ATOSA: variants seen among roughly 807,000 people sequenced by gnomAD.
ATOSA encodes the protein atos homolog A.
At chr15:52,646,263 C>G in the ATOSA span, among the ~76,000 whole-genome samples, 2 of 152,138 alleles carry the variant, frequency 1.3e-5, no homozygotes, top group East Asian at 3.8e-4. Flanking sequence ...AGGTGAGAAA[C>G]TTGGGCACAC....
chr15:52,606,561 A>G, the ATOSA span, among the ~76,000 whole-genome samples: 3 of 152,166 alleles, frequency 2.0e-5, no homozygotes, highest in African/African-American at 7.2e-5. Context: ...GGCACACAGT[A>G]AATTGTTTAT....
At chr15:52,669,511 C>T in the ATOSA span, among the ~76,000 whole-genome samples, 4 of 152,106 alleles carry the variant, frequency 2.6e-5, no homozygotes, top group Non-Finnish European at 4.4e-5. Context: ...AAGAAAATTG[C>T]TAATTTGATG....
At chr15:52,670,362 C>T in the ATOSA span, among the ~76,000 whole-genome samples, 4 of 152,188 alleles carry the variant, frequency 2.6e-5, 1 homozygote, top group Non-Finnish European at 5.9e-5. Flanking sequence ...ACCTTTCCCA[C>T]AAGGCTTAAG....
chr15:52,703,684 G>A, the ATOSA span, among the ~76,000 whole-genome samples: 1 of 151,908 alleles, frequency 6.6e-6, no homozygotes, highest in Non-Finnish European at 1.5e-5. Context: ...ACACACCGGG[G>A]CCTGTTAGGG....
the ATOSA span, among the ~76,000 whole-genome samples, chr15:52,686,441 C>T: frequency 1.3e-5 from 2 of 152,162 alleles, no homozygotes; most frequent in Admixed American, 1.3e-4. Context: ...GAAATCTTTT[C>T]TAAGGTTACT....
chr15:52,690,343 G>A, the ATOSA span, among the ~76,000 whole-genome samples: 2 of 152,006 alleles, frequency 1.3e-5, no homozygotes, highest in African/African-American at 4.8e-5. Context: ...AGACTCCTTG[G>A]GTCTTAATAC....
At chr15:52,700,956 C>A in the ATOSA span, among the ~76,000 whole-genome samples, 1 of 152,108 alleles carries the variant, frequency 6.6e-6, no homozygotes, top group Non-Finnish European at 1.5e-5. Context: ...AAAATACTAA[C>A]AAGCTGTTTT....
the ATOSA span, among the ~76,000 whole-genome samples, chr15:52,706,936 T>C: frequency 6.6e-6 from 1 of 152,172 alleles, no homozygotes; most frequent in Non-Finnish European, 1.5e-5. Flanking sequence ...GGTTTCTTTC[T>C]GGGGTGCTGA....
chr15:52,607,185 GC>G, the ATOSA span, among the ~76,000 whole-genome samples: 10 of 152,056 alleles, frequency 6.6e-5, no homozygotes, highest in African/African-American at 1.9e-4. Flanking sequence ...AAACTATGAA[GC>G]CAGGACTAGA....
chr15:52,594,169 A>G, the ATOSA span, among the ~76,000 whole-genome samples: 1 of 152,250 alleles, frequency 6.6e-6, no homozygotes, highest in East Asian at 1.9e-4. Context: ...CAGGTTATAT[A>G]TGGAAGTTCC....
the ATOSA span, among the ~76,000 whole-genome samples, chr15:52,635,262 A>AT: frequency 6.6e-6 from 1 of 152,204 alleles, no homozygotes; most frequent in Admixed American, 6.5e-5. Flanking sequence ...AAGGATCACT[A>AT]AAAATATAGA....
chr15:52,703,002 C>A, the ATOSA span, among the ~76,000 whole-genome samples: 1 of 151,978 alleles, frequency 6.6e-6, no homozygotes, highest in East Asian at 1.9e-4. Flanking sequence ...CTAGAAACAG[C>A]CTAAATGTCA....
At chr15:52,624,840 C>T in the ATOSA span, among the ~76,000 whole-genome samples, 1 of 148,020 alleles carries the variant, frequency 6.8e-6, no homozygotes, top group Non-Finnish European at 1.5e-5. Flanking sequence ...TGTGGTGGTG[C>T]GATCCCGGCT....
the ATOSA span, among the ~76,000 whole-genome samples, chr15:52,612,672 G>C: frequency 6.6e-6 from 1 of 151,466 alleles, no homozygotes; most frequent in African/African-American, 2.4e-5. Flanking sequence ...ACCCAGCGAA[G>C]TTTTGTATTT....
chr15:52,597,090 T>C, the ATOSA span, among the ~76,000 whole-genome samples: 1 of 152,218 alleles, frequency 6.6e-6, no homozygotes, highest in Non-Finnish European at 1.5e-5. Context: ...CAAATTAAAA[T>C]GGTATAATCA....
At chr15:52,663,784 TA>T in the ATOSA span, among the ~76,000 whole-genome samples, 1 of 152,128 alleles carries the variant, frequency 6.6e-6, no homozygotes, top group Admixed American at 6.6e-5. Flanking sequence ...CAAGCCCAGC[TA>T]ATTTTTTTTT....
At chr15:52,653,404 T>C in the ATOSA span, among the ~76,000 whole-genome samples, 2 of 152,172 alleles carry the variant, frequency 1.3e-5, no homozygotes, top group Non-Finnish European at 2.9e-5. Flanking sequence ...AGAGGCTTAT[T>C]GCTTTAAAGA....
the ATOSA span, among the ~76,000 whole-genome samples, chr15:52,631,731 A>T: frequency 6.6e-6 from 1 of 152,202 alleles, no homozygotes. Flanking sequence ...CTGGACAAAT[A>T]ACTAAAGTGT....
chr15:52,616,711 G>A, the ATOSA span, among the ~76,000 whole-genome samples: 6 of 152,118 alleles, frequency 3.9e-5, no homozygotes, highest in Admixed American at 6.5e-5. Flanking sequence ...GTTTGTCCCC[G>A]TCTGCTATGA....
Sources: gnomAD v4.1 joint callset for allele counts (sites outside exome capture counted in the v4.1 genomes callset) on GRCh38, gnomAD v4.1.1 for gene constraint, MANE v1.5 for transcripts, NCBI Gene and HGNC (gene_info 2026-07-23, HGNC 2026-07-21) for gene names.